The following ARHGAP10 variants were observed in gnomAD, a reference collection of about 807,000 sequenced individuals.
The protein encoded by ARHGAP10 is Rho GTPase activating protein 10.
Under a neutral mutation model 108.6 loss-of-function variants are expected in ARHGAP10, and 87 were observed. The ratio of observed to expected loss-of-function variants is 0.80; its 90% CI spans 0.67 to 0.96. The LOEUF (loss-of-function observed/expected upper bound fraction) is 0.96. Among genes scored for constraint, ARHGAP10 ranks in the 40% least tolerant of loss-of-function variants. ARHGAP10 has a pLI of 0.00. For synonymous variants in ARHGAP10, 347 were observed against 341.1 expected, an observed-to-expected ratio of 1.02 and a Z score of -0.19; for missense variants, 939 against 954.5, an observed-to-expected ratio of 0.98 and a Z score of 0.21.
chr4:147,874,347 A>G (rs925619513), intron 7 of ARHGAP10, among the ~76,000 whole-genome samples: 4 of 152,158 alleles, frequency 2.6e-5, no homozygotes, highest in African/African-American at 9.7e-5. Context: ...CACCTTGTAT[A>G]TATGTTTTCG....
chr4:147,905,824 A>G lies in ARHGAP10; in HGVS notation c.1035-814A>G, dbSNP rs899314194. Among the ~76,000 whole-genome samples, 7 of 151,824 alleles carry G rather than the reference A, an allele frequency of 4.6e-5. No individual in the cohort carries two copies. In the East Asian group the frequency reaches 9.6e-4, roughly 21 times the overall value. ...ATTGAATCTATAAATTACCTTGGGC[A>G]GTATGGCCATTTTCACGATATTGAT... is the stretch of plus-strand genomic sequence containing the variant. On this transcript the variant is annotated intron_variant, in intron 10 of 22. Coordinates refer to ENST00000336498, the MANE Select transcript of ARHGAP10 (RefSeq NM_024605.4).
chr4:148,065,897 G>C (rs1257957029), intron 22 of ARHGAP10, among the ~76,000 whole-genome samples: 1 of 148,786 alleles, frequency 6.7e-6, no homozygotes, highest in Non-Finnish European at 1.5e-5. Context: ...TGTTGTGCCA[G>C]CTACTGCAGA....
At position 148,063,233 on chromosome 4, in the gene ARHGAP10, C is replaced by G; in HGVS notation, c.2113C>G (p.Leu705Val). 6.2e-7 allele frequency: 1 copy of G among 1,614,218 alleles called. No individual in the cohort carries two copies. Among genetic ancestry groups the G allele is most frequent in the Non-Finnish European group, 8.5e-7 (1 of 1,180,036 alleles). The stretch of plus-strand genomic sequence containing the variant: ...AAGCTCCAACTCAGCTGTGACACCT[C>G]TTTCACCCGGGTCGTCCCCTTTCCC... ...TTSSNSAVTP[L>V]SPGSSPFPFS... Residue 705 changes from leucine (L) to valine (V), a missense_variant, in exon 21 of 23, where the codon CTT (leucine) becomes GTT (valine). Leu to Val is a conservative substitution (Grantham distance 32). Coordinates refer to ENST00000336498, the MANE Select transcript of ARHGAP10 (RefSeq NM_024605.4).
At chr4:147,871,872 G>A (rs918986129) in intron 7 of ARHGAP10, among the ~76,000 whole-genome samples, 5 of 152,142 alleles carry the variant, frequency 3.3e-5, no homozygotes, top group African/African-American at 4.8e-5. Flanking sequence ...ACATTGAGGC[G>A]GGAGGATCAC....
At chr4:148,011,295 C>T (rs945187976) in intron 18 of ARHGAP10, among the ~76,000 whole-genome samples, 22 of 152,164 alleles carry the variant, frequency 1.4e-4, no homozygotes, top group Admixed American at 4.6e-4. Context: ...CAGGGCAGGG[C>T]GAGTTTAGCT....
chr4:147,899,441 T>C (rs1736139239), intron 10 of ARHGAP10, among the ~76,000 whole-genome samples: 1 of 152,118 alleles, frequency 6.6e-6, no homozygotes, highest in Middle Eastern at 3.2e-3. Context: ...TCTTTGCTCT[T>C]AAATGAGTTT....
chr4:147,923,152 A>G (rs1737317652), intron 13 of ARHGAP10, among the ~76,000 whole-genome samples: 1 of 152,196 alleles, frequency 6.6e-6, no homozygotes, highest in Non-Finnish European at 1.5e-5. Context: ...AACATGTAGG[A>G]TTGTTTTTCA....
chr4:147,760,034 G>C (rs943231782), intron 1 of ARHGAP10, among the ~76,000 whole-genome samples: 1 of 152,198 alleles, frequency 6.6e-6, no homozygotes, highest in African/African-American at 2.4e-5. Context: ...ATAGGCATGA[G>C]ACACTGGGCC....
At chr4:147,855,065 CA>C (rs1434715561) in intron 4 of ARHGAP10, among the ~76,000 whole-genome samples, 14 of 152,330 alleles carry the variant, frequency 9.2e-5, no homozygotes, top group African/African-American at 3.1e-4. Context: ...AAATGTTTTC[CA>C]TGTTCCTGGT....
chr4:147,932,813 A>AT (rs1168354009), intron 13 of ARHGAP10, among the ~76,000 whole-genome samples: 2 of 152,322 alleles, frequency 1.3e-5, no homozygotes, highest in Admixed American at 6.5e-5. Context: ...AAAGTTGGAG[A>AT]TAAAAAATGG....
intron 1 of ARHGAP10, among the ~76,000 whole-genome samples, chr4:147,799,751 G>T (rs970623693): frequency 1.3e-5 from 2 of 152,170 alleles, no homozygotes; most frequent in Admixed American, 6.5e-5. Context: ...TTGTAAGAGG[G>T]TTGCTTTAAA....
chr4:147,745,568 T>C (rs1486975850), intron 1 of ARHGAP10, among the ~76,000 whole-genome samples: 2 of 152,190 alleles, frequency 1.3e-5, no homozygotes, highest in Non-Finnish European at 2.9e-5. Flanking sequence ...CTCAGCTCAC[T>C]GCAAGCCCCG....
intron 20 of ARHGAP10, among the ~76,000 whole-genome samples, chr4:148,061,425 G>C (rs753414644): frequency 6.6e-6 from 1 of 151,876 alleles, no homozygotes; most frequent in Non-Finnish European, 1.5e-5. Flanking sequence ...TGTCCTTTCC[G>C]TTCCTGATTA....
chr4:147,986,544 C>G lies in ARHGAP10; in HGVS notation c.1716+19705C>G, dbSNP rs970982766. ...AACTCCTCTCCCCTGGTCACCTACC[C>G]TCTCCTCATACTGCTTTTAGTGTGC... On this transcript the variant is annotated intron_variant, in intron 18 of 22. Transcript: ENST00000336498. Among the ~76,000 whole-genome samples, 3 of 152,158 alleles carry G rather than the reference C, an allele frequency of 2.0e-5. No homozygotes were observed. In the East Asian group the frequency reaches 5.8e-4, roughly 29 times the overall value.
intron 1 of ARHGAP10, among the ~76,000 whole-genome samples, chr4:147,802,067 A>C (rs1302670227): frequency 6.6e-6 from 1 of 152,200 alleles, no homozygotes; most frequent in African/African-American, 2.4e-5. Flanking sequence ...ATGCTTGAGT[A>C]ATGATGACTG....
chr4:147,785,386 A>C (rs1730849214), intron 1 of ARHGAP10, among the ~76,000 whole-genome samples: 1 of 152,082 alleles, frequency 6.6e-6, no homozygotes, highest in Non-Finnish European at 1.5e-5. Context: ...AGTTGCTTTC[A>C]AAAGGTGCCT....
At chr4:148,067,529 G>A (rs1482875804) in intron 22 of ARHGAP10, among the ~76,000 whole-genome samples, 1 of 152,204 alleles carries the variant, frequency 6.6e-6, no homozygotes, top group Non-Finnish European at 1.5e-5. Flanking sequence ...GTACTGCCGG[G>A]AATGCTCCCT....
At chr4:147,896,671 G>T (rs1736003925) in intron 10 of ARHGAP10, among the ~76,000 whole-genome samples, 1 of 151,314 alleles carries the variant, frequency 6.6e-6, no homozygotes, top group Non-Finnish European at 1.5e-5. Context: ...TTCAACTTTG[G>T]ATTTAATTTT....
Position 147,808,325 on chromosome 4 carries a change from A to AT in ARHGAP10, c.155-14389dup, listed in dbSNP as rs771761204. ...CTGCAAGGAAGGAAAAAACTTTGGCATTTTTTTTTTTTTCCAGGAACAGAA... is the reference window on the plus strand; with the variant it reads ...CTGCAAGGAAGGAAAAAACTTTGGCATTTTTTTTTTTTTTCCAGGAACAGAA... On this transcript the variant is annotated intron_variant, in intron 1 of 22. Transcript: ENST00000336498. Among the ~76,000 whole-genome samples the AT allele has an allele frequency of 6.6e-3, 937 of 142,892 alleles. 7 individuals carry two copies. The highest frequency in any genetic ancestry group is 0.012 in the African/African-American group (486 of 38,972). 93.7% of individuals were successfully genotyped at this position (142,892 alleles called of 152,430 possible). A position where few individuals can be genotyped will look rare whatever the true frequency, so the allele number is the denominator to read the frequency against.
Sources: allele counts gnomAD v4.1 joint callset (sites outside exome capture counted in the v4.1 genomes callset), GRCh38; gene constraint gnomAD v4.1.1; transcripts MANE v1.5; gene names NCBI Gene and HGNC (gene_info 2026-07-23, HGNC 2026-07-21).